Variants in AARS1 observed in about 807,000 individuals in gnomAD.
AARS1 encodes the protein alanine--tRNA ligase, cytoplasmic.
A neutral mutation model predicts 108.9 loss-of-function variants in AARS1; 72 were observed. The observed-to-expected ratio is 0.66, with a 90% CI of 0.55 to 0.80. The LOEUF (loss-of-function observed/expected upper bound fraction) is 0.80, where lower values mean the gene tolerates loss of function less well. Ranked by LOEUF, AARS1 falls within the 30% of genes least tolerant of loss-of-function variation. The pLI is 0.00. For missense variants in AARS1, 1,193 were observed against 1,233.2 expected (o/e 0.97, Z 0.49); for synonymous variants, 489 against 465.7 (o/e 1.05, Z -0.64).
chr16:70,287,621 C>T (rs953900899), intron 1 of AARS1, among the ~76,000 whole-genome samples: 2 of 150,750 alleles, frequency 1.3e-5, no homozygotes, highest in African/African-American at 4.9e-5. Context: ...TGTGCACCTG[C>T]AGACCCAGCT....
At chr16:70,270,947 G>A (rs904603334) in intron 5 of AARS1, among the ~76,000 whole-genome samples, 4 of 151,612 alleles carry the variant, frequency 2.6e-5, no homozygotes, top group African/African-American at 7.3e-5. Flanking sequence ...TCAGGAGTTC[G>A]AGACCAGCCT....
intron 2 of AARS1, among the ~76,000 whole-genome samples, chr16:70,280,315 C>T (rs541429899): frequency 6.6e-6 from 1 of 152,136 alleles, no homozygotes; most frequent in Non-Finnish European, 1.5e-5. Context: ...CTCCCAGGTT[C>T]CAGCGATTCT....
intron 2 of AARS1, among the ~76,000 whole-genome samples, chr16:70,277,968 G>A (rs1960589078): frequency 6.6e-6 from 1 of 151,924 alleles, no homozygotes; most frequent in Non-Finnish European, 1.5e-5. Context: ...GGCCAGGCTG[G>A]TCTCGAACAC....
intron 11 of AARS1, among the ~76,000 whole-genome samples, chr16:70,263,866 A>C (rs1960203481): frequency 6.6e-6 from 1 of 152,060 alleles, no homozygotes; most frequent in South Asian, 2.1e-4. Flanking sequence ...CAAACACCAG[A>C]GCTCAACTGA....
At chr16:70,255,669 G>A (rs1011864685) in intron 16 of AARS1, 59 bp downstream of exon 16, 62 of 1,477,390 alleles carry the variant, frequency 4.2e-5, no homozygotes, top group Non-Finnish European at 5.4e-5. Flanking sequence ...CTATGGATTC[G>A]CAGACTGGGC....
At chr16:70,278,744 C>G (rs906336847) in intron 2 of AARS1, among the ~76,000 whole-genome samples, 3 of 152,044 alleles carry the variant, frequency 2.0e-5, no homozygotes, top group Admixed American at 2.0e-4. Context: ...CAAACACTCT[C>G]TCACTCATCT....
intron 13 of AARS1, among the ~76,000 whole-genome samples, chr16:70,260,291 GC>G (rs1347602840): frequency 6.6e-6 from 1 of 152,204 alleles, no homozygotes; most frequent in Non-Finnish European, 1.5e-5. Context: ...CAAAGGCAAT[GC>G]CCCAGGAAAG....
At chr16:70,253,436 G>T in intron 19 of AARS1, 55 bp from the exon 20 acceptor site, 1 of 1,428,802 alleles carries the variant, frequency 7.0e-7, no homozygotes, top group South Asian at 1.2e-5. Flanking sequence ...CCTCACTAGT[G>T]TGAGCATTTG....
intron 4 of AARS1, chr16:70,276,207 C>A (rs1960545574): frequency 5.0e-6 from 1 of 201,402 alleles, no homozygotes; most frequent in African/African-American, 2.4e-5. Context: ...AGAGCAAGCT[C>A]TGTCTCAAAA....
intron 1 of AARS1, among the ~76,000 whole-genome samples, chr16:70,284,148 T>C (rs569397665): frequency 1.4e-5 from 2 of 145,818 alleles, no homozygotes; most frequent in East Asian, 4.0e-4. Context: ...AGAAAAAAAA[T>C]ACAAAAAATT....
chr16:70,282,847 C>G, intron 1 of AARS1, 63 bp from the exon 2 acceptor site: 1 of 1,535,270 alleles, frequency 6.5e-7, no homozygotes. Context: ...ACACATTACA[C>G]AAGACTTCTG....
chr16:70,264,166 A>G (rs1294046883), intron 11 of AARS1, among the ~76,000 whole-genome samples: 1 of 150,680 alleles, frequency 6.6e-6, no homozygotes, highest in Non-Finnish European at 1.5e-5. Context: ...GAATCGCTTG[A>G]ACCCAGGAGG....
At position 70,289,477 on chromosome 16, in the gene AARS1, C is replaced by G. The variant is rs994607364; in HGVS notation, c.-78G>C. 13 of 436,512 alleles carry G rather than the reference C, an allele frequency of 3.0e-5. No individual in the cohort carries two copies. The highest frequency in any genetic ancestry group is 6.0e-5 in the African/African-American group (3 of 49,824). The allele number at this position is 436,512 out of a possible 1,614,324, so 27.0% of individuals were successfully genotyped here. ...CTCAGAGTCCCCCGCCAAGGGCCCGCTGCACCTATTCCCGCAGACGCGCAG... is the reference window on the plus strand; with the variant it reads ...CTCAGAGTCCCCCGCCAAGGGCCCGGTGCACCTATTCCCGCAGACGCGCAG... On this transcript the variant is annotated 5_prime_UTR_variant, in exon 1 of 21. Transcript: ENST00000261772.
chr16:70,257,048 G>A (rs1360797672), intron 15 of AARS1, among the ~76,000 whole-genome samples: 3 of 152,102 alleles, frequency 2.0e-5, no homozygotes, highest in Non-Finnish European at 2.9e-5. Context: ...AGAAGATGGA[G>A]ACCATCCTGG....
At chr16:70,274,750 G>C (rs1960496246) in intron 4 of AARS1, among the ~76,000 whole-genome samples, 1 of 151,066 alleles carries the variant, frequency 6.6e-6, no homozygotes, top group South Asian at 2.1e-4. Flanking sequence ...GTGGAGTGGG[G>C]GTGGGGAAGG....
chr16:70,287,396 C>A (rs1960875094), intron 1 of AARS1, among the ~76,000 whole-genome samples: 1 of 151,090 alleles, frequency 6.6e-6, no homozygotes. Flanking sequence ...CCATTGCACT[C>A]CAGCCTGGGT....
At chr16:70,277,700 T>C (rs1202185381) in intron 2 of AARS1, among the ~76,000 whole-genome samples, 1 of 152,182 alleles carries the variant, frequency 6.6e-6, no homozygotes, top group Non-Finnish European at 1.5e-5. Flanking sequence ...AACTTTGTTT[T>C]ATTTTTCCCA....
Position 70,261,051 on chromosome 16 carries a change from A to G in AARS1, c.1778T>C (p.Ile593Thr). The change falls in exon 13 of 21, where the codon ATT becomes ACT. Residue 593 changes from isoleucine to threonine, a missense_variant. By Grantham distance (89) the Ile-to-Thr change is moderately conservative. Transcript: ENST00000261772. ...CACAGTAACCCAACTCACCTCATCA[A>G]TAAACAGCCAGACCTGATCCCCCAC... ...LKVGDQVWLFIDEPRRRPIMS... is the reference protein window; with the variant it reads ...LKVGDQVWLFTDEPRRRPIMS... 1.9e-6 allele frequency: 3 copies of G among 1,613,110 alleles called. No individual in the cohort carries two copies. The highest frequency in any genetic ancestry group is 1.1e-5 in the South Asian group (1 of 91,056).
intron 1 of AARS1, among the ~76,000 whole-genome samples, chr16:70,285,471 CAG>C (rs969411933): frequency 5.3e-5 from 8 of 151,528 alleles, no homozygotes; most frequent in Non-Finnish European, 1.2e-4. Context: ...TTTTTTGAGA[CAG>C]AGTCTCACTC....
Sources: gnomAD v4.1 joint callset for allele counts (sites outside exome capture counted in the v4.1 genomes callset) on GRCh38, gnomAD v4.1.1 for gene constraint, MANE v1.5 for transcripts, NCBI Gene and HGNC (gene_info 2026-07-23, HGNC 2026-07-21) for gene names.